MFHAS1: variants seen among roughly 807,000 people sequenced by gnomAD.
MFHAS1 encodes the protein malignant fibrous histiocytoma-amplified sequence 1.
In MFHAS1, 50 loss-of-function variants were observed where a neutral mutation model predicts 70.4. That is an observed-to-expected ratio of 0.71 (90% CI 0.57 to 0.90). The LOEUF (loss-of-function observed/expected upper bound fraction) is 0.90. MFHAS1 is among the 40% of genes least tolerant of loss of function. The pLI, the probability that MFHAS1 is intolerant of heterozygous loss-of-function variation, is 0.00. For missense variants in MFHAS1, 1,795 were observed against 1,347.6 expected (o/e 1.33, Z -5.20); for synonymous variants, 952 against 620.0 (o/e 1.54, Z -7.96).
At chr8:8,846,377 GAAGAA>G (rs1808041178) in intron 1 of MFHAS1, among the ~76,000 whole-genome samples, 1 of 150,274 alleles carries the variant, frequency 6.7e-6, no homozygotes, top group Non-Finnish European at 1.5e-5. Context: ...AGGAGAAGGA[GAAGAA>G]AATGACCACT....
chr8:8,798,041 G>A (rs946266918), intron 1 of MFHAS1, among the ~76,000 whole-genome samples: 1 of 152,228 alleles, frequency 6.6e-6, no homozygotes, highest in Non-Finnish European at 1.5e-5. Flanking sequence ...AGGTATGTGT[G>A]AAGCAGATGC....
At chr8:8,807,897 T>G (rs1273558775) in intron 1 of MFHAS1, among the ~76,000 whole-genome samples, 1 of 152,222 alleles carries the variant, frequency 6.6e-6, no homozygotes, top group Non-Finnish European at 1.5e-5. Context: ...AGTGATATAT[T>G]TAGATATACA....
Position 8,891,410 on chromosome 8 carries a change from T to G in MFHAS1, c.1649A>C (p.Lys550Thr), listed in dbSNP as rs765573852. 23 of 1,612,504 alleles carry G rather than the reference T, an allele frequency of 1.4e-5. No individual in the cohort carries two copies. Among genetic ancestry groups the G allele is most frequent in the Non-Finnish European group, 1.3e-5 (15 of 1,180,012 alleles). ...GATCTGGCGGTGAATGTCCAGACATTTCTCCTCCAGCTCACGCTCTCCGCA... is the reference window on the plus strand; with the variant it reads ...GATCTGGCGGTGAATGTCCAGACATGTCTCCTCCAGCTCACGCTCTCCGCA... ...DLCGERELEE[K>T]CLDIHRQIAL... The change falls in exon 1 of 3, where the codon AAA becomes ACA. Residue 550 changes from lysine (K) to threonine (T), a missense_variant. Lys to Thr is a moderately conservative substitution (Grantham distance 78, BLOSUM62 -1). Transcript: ENST00000276282. This position sits in a 1 kb window ranked among gnomAD's most constrained non-coding sequence, Gnocchi z 5.4.
intron 1 of MFHAS1, among the ~76,000 whole-genome samples, chr8:8,842,938 A>T (rs531918284): frequency 6.6e-6 from 1 of 152,370 alleles, no homozygotes; most frequent in South Asian, 2.1e-4. Context: ...GAATTAACAG[A>T]AAAACAAAAG....
At chr8:8,865,041 C>T (rs1808804822) in intron 1 of MFHAS1, among the ~76,000 whole-genome samples, 1 of 151,988 alleles carries the variant, frequency 6.6e-6, no homozygotes, top group Admixed American at 6.6e-5. Context: ...TTGAGGAGGG[C>T]AAGGTGGGTG....
chr8:8,892,604 G>C lies in MFHAS1; in HGVS notation c.455C>G (p.Ala152Gly), dbSNP rs746093444. 1 of 1,607,966 alleles carries C rather than the reference G, an allele frequency of 6.2e-7. No individual in the cohort carries two copies. Among genetic ancestry groups the C allele is most frequent in the South Asian group, 1.1e-5 (1 of 90,202 alleles). ...CAGGTGAGCGAGAGCGCCCAGCTGGGCGGGCAGGGCGGGCAGCTGGTTGTG... is the reference window on the plus strand; with the variant it reads ...CAGGTGAGCGAGAGCGCCCAGCTGGCCGGGCAGGGCGGGCAGCTGGTTGTG... Reference protein sequence around the residue: ...LSHNQLPALPAQLGALAHLEE... With the variant: ...LSHNQLPALPGQLGALAHLEE... Residue 152 changes from alanine to glycine, a missense_variant, in exon 1 of 3, where the codon GCC becomes GGC. Ala to Gly is a moderately conservative substitution (Grantham distance 60). Transcript: ENST00000276282. The surrounding 1 kb of genome is among the most constrained non-coding windows in gnomAD (Gnocchi z 4.7).
intron 1 of MFHAS1, among the ~76,000 whole-genome samples, chr8:8,839,543 C>G (rs1340731372): frequency 6.6e-6 from 1 of 152,182 alleles, no homozygotes; most frequent in East Asian, 1.9e-4. Flanking sequence ...GGGTAAGTAA[C>G]CACTTGCCTT....
At chr8:8,838,429 C>A (rs1250968507) in intron 1 of MFHAS1, among the ~76,000 whole-genome samples, 2 of 152,192 alleles carry the variant, frequency 1.3e-5, no homozygotes, top group Non-Finnish European at 2.9e-5. Context: ...TTTACGCTAT[C>A]CTGCTGTGTT....
chr8:8,886,085 TATTTTA>T (rs1809741334), intron 1 of MFHAS1, among the ~76,000 whole-genome samples: 1 of 152,238 alleles, frequency 6.6e-6, no homozygotes, highest in African/African-American at 2.4e-5. Flanking sequence ...TCAGATTACC[TATTTTA>T]AATAAGACAA....
chr8:8,816,488 T>A (rs1806750730), intron 1 of MFHAS1, among the ~76,000 whole-genome samples: 1 of 152,188 alleles, frequency 6.6e-6, no homozygotes, highest in Admixed American at 6.5e-5. Context: ...TGCTAAAGAA[T>A]CAGGGAATCT....
intron 1 of MFHAS1, among the ~76,000 whole-genome samples, chr8:8,829,544 G>C (rs3789849): frequency 0.45 from 68,737 of 151,990 alleles, 16,122 homozygotes; most frequent in East Asian, 0.76. Flanking sequence ...AGCCAAGCAA[G>C]GTGGCAGGCA....
intron 1 of MFHAS1, among the ~76,000 whole-genome samples, chr8:8,845,248 T>A (rs1433229823): frequency 1.3e-5 from 2 of 152,250 alleles, no homozygotes; most frequent in Non-Finnish European, 2.9e-5. Flanking sequence ...TTAGTTCACA[T>A]AAAAGTCAGA....
chr8:8,833,732 A>G (rs1807494812), intron 1 of MFHAS1, among the ~76,000 whole-genome samples: 1 of 152,240 alleles, frequency 6.6e-6, no homozygotes, highest in Admixed American at 6.5e-5. Flanking sequence ...ATATGCTTAC[A>G]CAAAGCCTTA....
intron 1 of MFHAS1, among the ~76,000 whole-genome samples, chr8:8,878,314 C>G (rs1809374682): frequency 1.3e-5 from 2 of 152,176 alleles, no homozygotes; most frequent in South Asian, 4.1e-4. Flanking sequence ...TTCTCTAACT[C>G]TGGGGAATTC....
At chr8:8,817,183 T>C (rs1175476330) in intron 1 of MFHAS1, among the ~76,000 whole-genome samples, 1 of 152,132 alleles carries the variant, frequency 6.6e-6, no homozygotes, top group African/African-American at 2.4e-5. Flanking sequence ...AAACTGGATA[T>C]TACATCACTT....
At chr8:8,829,913 T>G (rs142348451) in intron 1 of MFHAS1, among the ~76,000 whole-genome samples, 15 of 152,342 alleles carry the variant, frequency 9.8e-5, no homozygotes, top group Non-Finnish European at 2.1e-4. Flanking sequence ...GATGGTCTGC[T>G]GGGAAGACCA....
At position 8,892,195 on chromosome 8, in the gene MFHAS1, G is replaced by A. The variant is rs369613465; in HGVS notation, c.864C>T (p.Phe288=). 3.7e-6 allele frequency: 6 copies of A among 1,609,862 alleles called. No individual in the cohort carries two copies. The African/African-American group carries it at 4.0e-5, about 11-fold the overall frequency. The change falls in exon 1 of 3, where the codon TTC becomes TTT. Residue 288 remains phenylalanine, a synonymous_variant. Coordinates refer to ENST00000276282, the MANE Select transcript of MFHAS1 (RefSeq NM_004225.3). This position sits in a 1 kb window ranked among gnomAD's most constrained non-coding sequence, Gnocchi z 4.7. ...CAGCCAGGGGCAGCAGCGCGGCAGG[G>A]AACTCCTCGAAGAGGTTGGAGGAGA... ...LNLSSNLFEE[F]PAALLPLAGL...
In MFHAS1 at chr8:8,786,758, A is replaced by C. The variant is rs75358605; in HGVS notation, c.3126-703T>G. Among the ~76,000 whole-genome samples, 850 of 151,918 alleles carry C rather than the reference A, an allele frequency of 5.6e-3. 14 individuals are homozygous for C. Among genetic ancestry groups the C allele is most frequent in the African/African-American group, 0.019 (793 of 41,422 alleles). The stretch of plus-strand genomic sequence containing the variant: ...TATACAAAGACATTGAAAGGAAAGG[A>C]AAAAGGAGTTACGATTCGTTTCCTC... On this transcript the variant is annotated intron_variant, in intron 2 of 2. Coordinates refer to ENST00000276282, the MANE Select transcript of MFHAS1 (RefSeq NM_004225.3).
intron 2 of MFHAS1, among the ~76,000 whole-genome samples, chr8:8,788,701 G>C (rs972849919): frequency 6.6e-6 from 1 of 152,174 alleles, no homozygotes; most frequent in Non-Finnish European, 1.5e-5. Flanking sequence ...AAAAAGTATT[G>C]AGGAGACATG....
Sources: allele counts gnomAD v4.1 joint callset (sites outside exome capture counted in the v4.1 genomes callset), GRCh38; gene constraint gnomAD v4.1.1; non-coding constraint Gnocchi (gnomAD v3.1); transcripts MANE v1.5; gene names NCBI Gene and HGNC (gene_info 2026-07-23, HGNC 2026-07-21).